ASTN2: variants seen among roughly 807,000 people sequenced by gnomAD.
ASTN2 encodes the protein astrotactin 2.
Under a neutral mutation model 139.8 loss-of-function variants are expected in ASTN2, and 54 were observed. That is an observed-to-expected ratio of 0.39 (90% CI 0.31 to 0.48). ASTN2 has a LOEUF of 0.48. ASTN2 is among the 20% of genes least tolerant of loss of function. ASTN2 has a pLI of 0.95. For missense variants in ASTN2, 1,565 were observed against 1,725.1 expected (o/e 0.91, Z 1.64); for synonymous variants, 756 against 719.5 (o/e 1.05, Z -0.81).
chr9:116,834,326 T>G (rs1831918370), intron 11 of ASTN2, among the ~76,000 whole-genome samples: 1 of 152,224 alleles, frequency 6.6e-6, no homozygotes, highest in African/African-American at 2.4e-5. Flanking sequence ...GATGGTGTTA[T>G]TGAGTCCTTC....
At chr9:117,295,148 C>T (rs940933027) in intron 1 of ASTN2, among the ~76,000 whole-genome samples, 22 of 151,954 alleles carry the variant, frequency 1.4e-4, no homozygotes, top group African/African-American at 5.1e-4. Flanking sequence ...ATGGTGAAAG[C>T]CCATCTCTAC....
chr9:116,798,497 T>C (rs1410327021), intron 13 of ASTN2, among the ~76,000 whole-genome samples: 1 of 152,200 alleles, frequency 6.6e-6, no homozygotes, highest in African/African-American at 2.4e-5. Context: ...GCTACCACTT[T>C]AGCTGTTTGA....
At chr9:116,864,228 A>T (rs1363215844) in intron 10 of ASTN2, among the ~76,000 whole-genome samples, 1 of 152,194 alleles carries the variant, frequency 6.6e-6, no homozygotes, top group Non-Finnish European at 1.5e-5. Context: ...AACTTTGTGA[A>T]TATAAAATTG....
chr9:117,162,020 T>C (rs1356533551), intron 3 of ASTN2, among the ~76,000 whole-genome samples: 1 of 151,980 alleles, frequency 6.6e-6, no homozygotes, highest in Non-Finnish European at 1.5e-5. Flanking sequence ...TTTAACTTTG[T>C]AGCTGGGTGA....
intron 19 of ASTN2, among the ~76,000 whole-genome samples, chr9:116,589,029 C>A (rs1247936365): frequency 6.6e-6 from 1 of 152,052 alleles, no homozygotes; most frequent in Non-Finnish European, 1.5e-5. Flanking sequence ...GAAATAATCC[C>A]AATAATTAGC....
intron 19 of ASTN2, among the ~76,000 whole-genome samples, chr9:116,566,978 A>G (rs1853266833): frequency 6.6e-6 from 1 of 152,134 alleles, no homozygotes; most frequent in Admixed American, 6.5e-5. Flanking sequence ...CAATCCTTTG[A>G]TGTTTTATCC....
chr9:116,609,186 C>T (rs1342438878), intron 19 of ASTN2, among the ~76,000 whole-genome samples: 1 of 151,144 alleles, frequency 6.6e-6, no homozygotes, highest in African/African-American at 2.4e-5. Flanking sequence ...CAAAAATTTT[C>T]CAAATTTAAT....
chr9:116,887,213 A>G (rs1199531611), intron 10 of ASTN2, among the ~76,000 whole-genome samples: 2 of 152,050 alleles, frequency 1.3e-5, no homozygotes, highest in Non-Finnish European at 2.9e-5. Flanking sequence ...ATGGCTGAGT[A>G]CTAGCTAGGT....
rs62576680 is a variant in ASTN2, at chr9:116,620,113, T to C, written c.3206+197A>G. On this transcript the variant is annotated intron_variant, in intron 18 of 22. Transcript: ENST00000313400. ...TTTAAAACAAGCATGCACTGCAATA[T>C]CAGTGTCTGCTCCTGTGCCACAATT... Among the ~76,000 whole-genome samples the C allele has an allele frequency of 0.16, 24,636 of 152,058 alleles. 2,190 individuals are homozygous for C. The highest frequency in any genetic ancestry group is 0.22 in the African/African-American group (9,167 of 41,458).
chr9:117,045,972 G>C (rs1447715996), intron 5 of ASTN2, among the ~76,000 whole-genome samples: 1 of 132,844 alleles, frequency 7.5e-6, no homozygotes, highest in Non-Finnish European at 1.6e-5. Flanking sequence ...ATGTATGTAT[G>C]TATGTATGTA....
rs10983178 is a variant in ASTN2 at position 116,468,210 on chromosome 9, C to A, written c.3497+19149G>T. On this transcript the variant is annotated intron_variant, in intron 20 of 22. Transcript: ENST00000313400. The stretch of plus-strand genomic sequence containing the variant: ...CTGCTAGCCTCTCATATACTAGTGG[C>A]ACTCCCAAAGGCTTTCTTTCCTTTT... Among the ~76,000 whole-genome samples, 1,971 of 152,324 alleles carry A rather than the reference C, an allele frequency of 0.013. 181 individuals carry two copies. In the South Asian group the frequency reaches 0.21, roughly 16 times the overall value.
intron 19 of ASTN2, among the ~76,000 whole-genome samples, chr9:116,575,489 G>T (rs991156719): frequency 6.6e-6 from 1 of 152,102 alleles, no homozygotes; most frequent in Non-Finnish European, 1.5e-5. Context: ...CTTCCATTGA[G>T]TCTTAATTTA....
At chr9:116,596,251 A>C (rs1854571049) in intron 19 of ASTN2, among the ~76,000 whole-genome samples, 1 of 152,254 alleles carries the variant, frequency 6.6e-6, no homozygotes, top group Admixed American at 6.5e-5. Flanking sequence ...GAAGCTGAGA[A>C]TAGAGTGATG....
chr9:117,244,308 TC>T (rs1231378388), intron 2 of ASTN2, among the ~76,000 whole-genome samples: 1 of 152,144 alleles, frequency 6.6e-6, no homozygotes, highest in Non-Finnish European at 1.5e-5. Flanking sequence ...TACATCTCAG[TC>T]AGGTGGCTAT....
chr9:116,557,408 TA>T (rs1564114292), intron 19 of ASTN2, among the ~76,000 whole-genome samples: 1 of 152,160 alleles, frequency 6.6e-6, no homozygotes, highest in Non-Finnish European at 1.5e-5. Flanking sequence ...AACTTTTCAG[TA>T]TTCTTGAGTT....
intron 11 of ASTN2, among the ~76,000 whole-genome samples, chr9:116,838,010 A>T (rs755421093): frequency 6.6e-6 from 1 of 152,116 alleles, no homozygotes; most frequent in Non-Finnish European, 1.5e-5. Context: ...ATTATCCTCA[A>T]AGTAGGGGTG....
At position 116,698,222 on chromosome 9, in the gene ASTN2, G is replaced by C. The variant is rs200196832; in HGVS notation, c.2806+27549C>G. 1.1e-5 allele frequency: 18 copies of C among 1,614,004 alleles called. No individual in the cohort carries two copies. The highest frequency in any genetic ancestry group is 1.5e-5 in the Non-Finnish European group (18 of 1,180,042). The stretch of plus-strand genomic sequence containing the variant: ...AGTTAACTCGTCTGCGGGAACTTAT[G>C]GGGGAGCTGCAGCGGCGGAAGGCAG... On this transcript the variant is annotated intron_variant, in intron 16 of 22. Transcript: ENST00000313400. This position sits in a 1 kb window ranked among gnomAD's most constrained non-coding sequence, Gnocchi z 4.4.
At chr9:117,062,337 A>G (rs1839318441) in intron 5 of ASTN2, among the ~76,000 whole-genome samples, 1 of 152,126 alleles carries the variant, frequency 6.6e-6, no homozygotes, top group Non-Finnish European at 1.5e-5. Flanking sequence ...AACACTTAGG[A>G]CCTAAAAAGG....
At chr9:116,433,129 A>T (rs1483896984) in intron 22 of ASTN2, among the ~76,000 whole-genome samples, 1 of 152,218 alleles carries the variant, frequency 6.6e-6, no homozygotes, top group Non-Finnish European at 1.5e-5. Context: ...AAGTGGGCAA[A>T]AGGTTTATGT....
Sources: gnomAD v4.1 joint callset for allele counts (sites outside exome capture counted in the v4.1 genomes callset) on GRCh38, gnomAD v4.1.1 for gene constraint, Gnocchi (gnomAD v3.1) non-coding constraint, MANE v1.5 for transcripts, NCBI Gene and HGNC (gene_info 2026-07-23, HGNC 2026-07-21) for gene names.